Variants in GALNT13 observed in about 807,000 individuals in gnomAD.
The protein encoded by GALNT13 is UDP-GalNAc:polypeptide N-acetylgalactosaminyltransferase 13.
Under a neutral mutation model 64.2 loss-of-function variants are expected in GALNT13, and 28 were observed. The ratio of observed to expected loss-of-function variants is 0.44; its 90% CI spans 0.32 to 0.60. The LOEUF (loss-of-function observed/expected upper bound fraction) is 0.60, where lower values mean the gene tolerates loss of function less well. Among genes scored for constraint, GALNT13 ranks in the 20% least tolerant of loss-of-function variants. The pLI, the probability that GALNT13 is intolerant of heterozygous loss-of-function variation, is 0.05. For missense variants in GALNT13, 577 were observed against 669.8 expected (o/e 0.86, Z 1.53); for synonymous variants, 214 against 224.6 (o/e 0.95, Z 0.42).
intron 9 of GALNT13, among the ~76,000 whole-genome samples, chr2:154,351,488 C>T (rs1696398822): frequency 6.6e-6 from 1 of 151,680 alleles, no homozygotes; most frequent in Non-Finnish European, 1.5e-5. Flanking sequence ...TTGAGACCAT[C>T]CTGGCTAACA....
the GALNT13 span, among the ~76,000 whole-genome samples, chr2:153,091,040 C>A: frequency 6.6e-6 from 1 of 152,228 alleles, no homozygotes; most frequent in Admixed American, 6.5e-5. Flanking sequence ...GACCTTGACC[C>A]TCCCTGTCTG....
chr2:154,290,956 C>T (rs988256718), intron 8 of GALNT13, among the ~76,000 whole-genome samples: 1 of 151,830 alleles, frequency 6.6e-6, no homozygotes, highest in Non-Finnish European at 1.5e-5. Flanking sequence ...TTCGTGGTCT[C>T]GCGGGCTTCA....
At chr2:153,802,287 T>C in the GALNT13 span, among the ~76,000 whole-genome samples, 1 of 152,224 alleles carries the variant, frequency 6.6e-6, no homozygotes, top group Non-Finnish European at 1.5e-5. Flanking sequence ...AATCAGAAGC[T>C]AAAATACAAT....
At chr2:153,956,347 A>C (rs1161744073) in intron 3 of GALNT13, among the ~76,000 whole-genome samples, 1 of 152,238 alleles carries the variant, frequency 6.6e-6, no homozygotes, top group Non-Finnish European at 1.5e-5. Flanking sequence ...TTAGCAAATC[A>C]ATACCTTAAG....
At chr2:153,627,003 G>C in the GALNT13 span, among the ~76,000 whole-genome samples, 1 of 152,064 alleles carries the variant, frequency 6.6e-6, no homozygotes, top group African/African-American at 2.4e-5. Flanking sequence ...AATTTGCTGG[G>C]AACTTCTGGG....
At chr2:154,068,429 A>G (rs1700578385) in intron 3 of GALNT13, among the ~76,000 whole-genome samples, 1 of 152,028 alleles carries the variant, frequency 6.6e-6, no homozygotes, top group Non-Finnish European at 1.5e-5. Flanking sequence ...TTATTGCAAC[A>G]CTATTCACAA....
intron 4 of GALNT13, among the ~76,000 whole-genome samples, chr2:154,191,752 G>A (rs1282568378): frequency 7.2e-5 from 11 of 152,146 alleles, no homozygotes; most frequent in Admixed American, 2.0e-4. Flanking sequence ...AGATGGGCAA[G>A]TTGTGGGGCT....
chr2:153,878,181 A>G (rs1686522523), intron 1 of GALNT13, among the ~76,000 whole-genome samples: 1 of 152,226 alleles, frequency 6.6e-6, no homozygotes, highest in African/African-American at 2.4e-5. Flanking sequence ...TGGATATTTT[A>G]ACACCAAATA....
chr2:153,258,570 A>G, the GALNT13 span, among the ~76,000 whole-genome samples: 5 of 151,846 alleles, frequency 3.3e-5, no homozygotes, highest in South Asian at 2.1e-4. Flanking sequence ...AAGTTTTTCT[A>G]TTGTTTTGAT....
At chr2:153,312,299 G>C in the GALNT13 span, among the ~76,000 whole-genome samples, 1 of 152,158 alleles carries the variant, frequency 6.6e-6, no homozygotes, top group Non-Finnish European at 1.5e-5. Flanking sequence ...TTGAATTAAG[G>C]CTTCCATGAC....
At chr2:153,103,222 T>C in the GALNT13 span, among the ~76,000 whole-genome samples, 2 of 152,184 alleles carry the variant, frequency 1.3e-5, no homozygotes, top group African/African-American at 2.4e-5. Flanking sequence ...CCCACTGACC[T>C]CAACCTTTCT....
chr2:154,082,196 C>A (rs1165183361), intron 3 of GALNT13, among the ~76,000 whole-genome samples: 2 of 151,266 alleles, frequency 1.3e-5, no homozygotes, highest in Admixed American at 6.6e-5. Flanking sequence ...CATCTTAAAC[C>A]AAATGAAACT....
chr2:153,180,634 G>A, the GALNT13 span, among the ~76,000 whole-genome samples: 1 of 152,150 alleles, frequency 6.6e-6, no homozygotes, highest in African/African-American at 2.4e-5. Flanking sequence ...ATTCAGCAGT[G>A]AAGCCCTCAG....
At chr2:153,933,631 T>G (rs1429832365) in intron 2 of GALNT13, among the ~76,000 whole-genome samples, 1 of 150,438 alleles carries the variant, frequency 6.6e-6, no homozygotes, top group African/African-American at 2.4e-5. Flanking sequence ...GTCATCATGT[T>G]GTTAGAGTAG....
At chr2:154,273,318 A>G (rs1458543089) in intron 8 of GALNT13, among the ~76,000 whole-genome samples, 1 of 152,092 alleles carries the variant, frequency 6.6e-6, no homozygotes, top group Non-Finnish European at 1.5e-5. Context: ...TGCAGGGGGG[A>G]ACATTCAGCA....
chr2:153,913,087 G>T (rs1370090765), intron 2 of GALNT13, among the ~76,000 whole-genome samples: 1 of 152,150 alleles, frequency 6.6e-6, no homozygotes, highest in Non-Finnish European at 1.5e-5. Context: ...TGGGGGTGCT[G>T]GTGGGCGCAG....
intron 4 of GALNT13, among the ~76,000 whole-genome samples, chr2:154,200,622 C>G (rs1321933086): frequency 6.6e-6 from 1 of 152,156 alleles, no homozygotes; most frequent in East Asian, 1.9e-4. Context: ...GAGAGGAATG[C>G]TATGTCCTCA....
the GALNT13 span, among the ~76,000 whole-genome samples, chr2:153,389,395 G>A: frequency 1.3e-5 from 2 of 151,996 alleles, no homozygotes; most frequent in African/African-American, 2.4e-5. Flanking sequence ...GCTGGGGAAC[G>A]GAAAGCTTGT....
the GALNT13 span, among the ~76,000 whole-genome samples, chr2:153,474,636 A>G: frequency 1.3e-5 from 2 of 152,228 alleles, no homozygotes; most frequent in Non-Finnish European, 2.9e-5. Context: ...GAGGCCACCC[A>G]ATTAAGCTAA....
Sources: allele counts gnomAD v4.1 joint callset (sites outside exome capture counted in the v4.1 genomes callset), GRCh38; gene constraint gnomAD v4.1.1; transcripts MANE v1.5; gene names NCBI Gene and HGNC (gene_info 2026-07-23, HGNC 2026-07-21).